Variants in HDAC4 observed in about 807,000 individuals in gnomAD.
HDAC4 encodes the protein histone deacetylase 4.
In HDAC4, 16 loss-of-function variants were observed where a neutral mutation model predicts 135.1. The ratio of observed to expected loss-of-function variants is 0.12; its 90% CI spans 0.08 to 0.18. HDAC4 has a LOEUF of 0.18. HDAC4 is among the 10% of genes least tolerant of loss of function. The pLI is 1.00. For missense variants in HDAC4, 1,143 were observed against 1,511.8 expected (o/e 0.76, Z 4.05); for synonymous variants, 685 against 653.4 (o/e 1.05, Z -0.74).
chr2:239,201,388 T>C (rs968854241), intron 3 of HDAC4, among the ~76,000 whole-genome samples: 8 of 152,184 alleles, frequency 5.3e-5, no homozygotes, highest in Non-Finnish European at 1.0e-4. Context: ...TCAGAACTTC[T>C]GCTCCGGAGT....
At chr2:239,117,096 T>C (rs1203698434) in intron 12 of HDAC4, among the ~76,000 whole-genome samples, 2 of 152,218 alleles carry the variant, frequency 1.3e-5, no homozygotes, top group African/African-American at 2.4e-5. Context: ...ATGCAAGGGG[T>C]GTCCGCGTAG....
At chr2:239,178,567 T>G (rs672183) in intron 4 of HDAC4, among the ~76,000 whole-genome samples, 1 of 152,088 alleles carries the variant, frequency 6.6e-6, no homozygotes, top group Non-Finnish European at 1.5e-5. Context: ...TCTTTTTTGA[T>G]GAAACAAGAT....
At chr2:239,108,255 C>A in intron 14 of HDAC4, 72 bp from the exon 15 acceptor site, 1 of 1,539,774 alleles carries the variant, frequency 6.5e-7, no homozygotes, top group Non-Finnish European at 8.8e-7. Flanking sequence ...GCAGGCTGCC[C>A]CCGGGTGGTG....
intron 1 of HDAC4, among the ~76,000 whole-genome samples, chr2:239,359,420 T>C (rs1379796714): frequency 6.6e-6 from 1 of 152,238 alleles, no homozygotes; most frequent in Non-Finnish European, 1.5e-5. Flanking sequence ...AATCCGGCTG[T>C]GTCATGAACA....
At chr2:239,372,096 G>T (rs894373557) in intron 1 of HDAC4, among the ~76,000 whole-genome samples, 1 of 152,194 alleles carries the variant, frequency 6.6e-6, no homozygotes, top group African/African-American at 2.4e-5. Context: ...GGGCAGTAGG[G>T]TGAAGCAGGA....
In HDAC4 at chr2:239,349,077, G is replaced by A. The variant is rs956476079; in HGVS notation, c.22+3601C>T. 6.6e-6 allele frequency among the ~76,000 whole-genome samples: 1 copy of A among 152,182 alleles called. No individual in the cohort carries two copies. The highest frequency in any genetic ancestry group is 1.5e-5 in the Non-Finnish European group (1 of 68,018). On this transcript the variant is annotated intron_variant, in intron 2 of 26. Coordinates refer to ENST00000543185, the MANE Select transcript of HDAC4 (RefSeq NM_001378414.1). This position sits in a 1 kb window ranked among gnomAD's most constrained non-coding sequence, Gnocchi z 5.7. The stretch of plus-strand genomic sequence containing the variant: ...ATGGGCGGCTGGACTCCCCCAGCCC[G>A]GCCTGCCCAGGGAGTGAGGGCGGCA...
intron 2 of HDAC4, among the ~76,000 whole-genome samples, chr2:239,280,665 C>T (rs891152201): frequency 3.9e-5 from 6 of 152,152 alleles, no homozygotes; most frequent in Admixed American, 1.3e-4. Flanking sequence ...AAAGATGCGA[C>T]GCAACATCCT....
chr2:239,399,847 G>A (rs1696821916), intron 1 of HDAC4, among the ~76,000 whole-genome samples: 1 of 152,158 alleles, frequency 6.6e-6, no homozygotes, highest in Admixed American at 6.5e-5. Context: ...AATAACTTAA[G>A]TTTAATTTCT....
Position 239,189,814 on chromosome 2 carries a change from G to A in HDAC4, c.339+19C>T, listed in dbSNP as rs1268889250. The A allele has an allele frequency of 6.3e-7, 1 of 1,598,084 alleles. No homozygotes were observed. The highest frequency in any genetic ancestry group is 1.7e-5 in the Admixed American group (1 of 59,670). ...GTGCCGGAGGCCTGGCCCACCCGCAGCCCCGCACCGCGCCTCACCTTGATG... is the reference window on the plus strand; with the variant it reads ...GTGCCGGAGGCCTGGCCCACCCGCAACCCCGCACCGCGCCTCACCTTGATG... On this transcript the variant is annotated intron_variant, in intron 4 of 26. Transcript: ENST00000543185.
chr2:239,175,658 G>A (rs1477618618), intron 5 of HDAC4, among the ~76,000 whole-genome samples: 2 of 152,168 alleles, frequency 1.3e-5, no homozygotes, highest in Non-Finnish European at 2.9e-5. Context: ...ACTGGGCCGT[G>A]GGTCACTCTA....
chr2:239,121,003 T>C (rs1233925282), intron 12 of HDAC4, among the ~76,000 whole-genome samples: 2 of 53,078 alleles, frequency 3.8e-5, no homozygotes, highest in Non-Finnish European at 1.2e-4. Context: ...TAAATTTCTT[T>C]TTTTTTTTTT....
intron 3 of HDAC4, among the ~76,000 whole-genome samples, chr2:239,227,107 G>T (rs188556037): frequency 6.6e-6 from 1 of 152,354 alleles, no homozygotes; most frequent in Non-Finnish European, 1.5e-5. Flanking sequence ...TGGGCCAAGG[G>T]AGGGGCAGAC....
intron 2 of HDAC4, among the ~76,000 whole-genome samples, chr2:239,248,621 A>C (rs75970086): frequency 1.6e-4 from 25 of 152,366 alleles, no homozygotes; most frequent in African/African-American, 6.0e-4. Flanking sequence ...ACAGCTAAGT[A>C]ACTCCTAGCA....
chr2:239,330,585 G>T (rs1288812063), intron 2 of HDAC4, among the ~76,000 whole-genome samples: 1 of 152,238 alleles, frequency 6.6e-6, no homozygotes, highest in Non-Finnish European at 1.5e-5. Context: ...CCACGTGGCA[G>T]AAGTGGCACA....
At chr2:239,259,430 C>A (rs1195168610) in intron 2 of HDAC4, among the ~76,000 whole-genome samples, 1 of 152,166 alleles carries the variant, frequency 6.6e-6, no homozygotes, top group African/African-American at 2.4e-5. Context: ...AGTGACAGAG[C>A]AAGACCCCGT....
chr2:239,084,859 G>A (rs2035760805), intron 19 of HDAC4, among the ~76,000 whole-genome samples: 1 of 147,596 alleles, frequency 6.8e-6, no homozygotes, highest in Non-Finnish European at 1.5e-5. Context: ...ACACATATAT[G>A]CCCCACAGAT....
At chr2:239,105,003 C>T (rs531342896) in intron 15 of HDAC4, among the ~76,000 whole-genome samples, 17 of 152,306 alleles carry the variant, frequency 1.1e-4, no homozygotes, top group South Asian at 4.1e-4. Context: ...GCTGTGCGTG[C>T]GGGACACCGC....
In HDAC4 at chr2:239,068,470, CAT is replaced by C. The variant is rs1559365836; in HGVS notation, c.2869+17_2869+18del. The C allele has an allele frequency of 6.5e-7, 1 of 1,546,902 alleles. No individual in the cohort carries two copies. The highest frequency in any genetic ancestry group is 1.7e-5 in the Admixed American group (1 of 59,952). ...ACATGAGCAGAACCGGCTCCTCAGT[CAT>C]ATGCAGAACCACTTACATCTGGCGG... On this transcript the variant is annotated intron_variant, in intron 23 of 26. Coordinates refer to ENST00000543185, the MANE Select transcript of HDAC4 (RefSeq NM_001378414.1). This position sits in a 1 kb window ranked among gnomAD's most constrained non-coding sequence, Gnocchi z 4.4.
At chr2:239,091,470 G>A (rs2036497639) in intron 17 of HDAC4, 1 of 152,274 alleles carries the variant, frequency 6.6e-6, no homozygotes, top group South Asian at 2.1e-4. Flanking sequence ...GTCCATTGCA[G>A]GACGCCTCCT....
Sources: gnomAD v4.1 joint callset for allele counts (sites outside exome capture counted in the v4.1 genomes callset) on GRCh38, gnomAD v4.1.1 for gene constraint, Gnocchi (gnomAD v3.1) non-coding constraint, MANE v1.5 for transcripts, NCBI Gene and HGNC (gene_info 2026-07-23, HGNC 2026-07-21) for gene names.